The following TNRC6A variants were observed in gnomAD, a reference collection of about 807,000 sequenced individuals.
TNRC6A encodes the protein trinucleotide repeat-containing gene 6A protein.
Under a neutral mutation model 221.2 loss-of-function variants are expected in TNRC6A, and 44 were observed. That is an observed-to-expected ratio of 0.20 (90% CI 0.16 to 0.26). TNRC6A has a LOEUF of 0.26. TNRC6A is among the 10% of genes least tolerant of loss of function. The pLI is 1.00. For synonymous variants in TNRC6A, 847 were observed against 838.5 expected, an observed-to-expected ratio of 1.01 and a Z score of -0.18; for missense variants, 2,199 against 2,404.4, an observed-to-expected ratio of 0.91 and a Z score of 1.79.
Position 24,681,373 on chromosome 16 carries a change from A to C in TNRC6A, n.402+40364A>C, listed in dbSNP as rs548966046. On this transcript the variant is annotated intron_variant and non_coding_transcript_variant, in intron 2 of 2. Coordinates refer to the TNRC6A transcript ENST00000566108. The stretch of plus-strand genomic sequence containing the variant: ...CTCCCGGGTAGCTGGGATTACAGGC[A>C]TGCGCCACCATGCCCAGCTAATTTT... 6.6e-5 allele frequency among the ~76,000 whole-genome samples: 10 copies of C among 151,984 alleles called. No homozygotes were observed. The South Asian group carries it at 2.1e-3, about 32-fold the overall frequency.
At chr16:24,773,132 A>G (rs987581816) in intron 4 of TNRC6A, among the ~76,000 whole-genome samples, 5 of 151,918 alleles carry the variant, frequency 3.3e-5, no homozygotes, top group African/African-American at 4.8e-5. Flanking sequence ...CCGTCTTTCT[A>G]TTTCCTTTAC....
At chr16:24,662,458 T>A (rs1334463442) in intron 2 of TNRC6A, 1 of 151,484 alleles carries the variant, frequency 6.6e-6, no homozygotes, top group Non-Finnish European at 1.5e-5. Flanking sequence ...TACTCCAGCC[T>A]GGGTGTCAGA....
intron 1 of TNRC6A, among the ~76,000 whole-genome samples, chr16:24,635,593 C>T (rs1275005923): frequency 6.6e-6 from 1 of 152,108 alleles, no homozygotes; most frequent in African/African-American, 2.4e-5. Flanking sequence ...AGATTCTGCA[C>T]CTTTTTAAAA....
chr16:24,637,929 C>T (rs1901722473), intron 1 of TNRC6A, among the ~76,000 whole-genome samples: 1 of 152,076 alleles, frequency 6.6e-6, no homozygotes, highest in South Asian at 2.1e-4. Context: ...GGACTACCAG[C>T]TCGCGCCACC....
At chr16:24,713,443 AACAAACAAAAAAAT>A (rs1397707527) in intron 2 of TNRC6A, among the ~76,000 whole-genome samples, 15 of 120,982 alleles carry the variant, frequency 1.2e-4, no homozygotes, top group African/African-American at 4.1e-4. Flanking sequence ...CAAACAAACA[AACAAACAAAAAAAT>A]ATATATATAT....
intron 2 of TNRC6A, among the ~76,000 whole-genome samples, chr16:24,660,810 C>T (rs2055017288): frequency 7.6e-6 from 1 of 130,930 alleles, no homozygotes; most frequent in African/African-American, 3.0e-5. Flanking sequence ...GGAGCGATCT[C>T]GGCTCACTGC....
At chr16:24,675,741 T>G (rs1344467535) in intron 2 of TNRC6A, among the ~76,000 whole-genome samples, 1 of 97,836 alleles carries the variant, frequency 1.0e-5, no homozygotes, top group African/African-American at 4.1e-5. Flanking sequence ...TATATATATA[T>G]GCACACAACA....
rs1472975034 is a variant in TNRC6A, at chr16:24,750,190, G to C, written c.54-536G>C. ...TTCCCAAGAATTGATAGAATACCTT[G>C]GAATGTTGATAGAATATGAAATTGT... is the stretch of plus-strand genomic sequence containing the variant. On this transcript the variant is annotated intron_variant, in intron 2 of 24. Transcript: ENST00000395799. 2.6e-5 allele frequency among the ~76,000 whole-genome samples: 4 copies of C among 152,048 alleles called. No homozygotes were observed. In the East Asian group the frequency reaches 7.7e-4, roughly 29 times the overall value.
intron 2 of TNRC6A, among the ~76,000 whole-genome samples, chr16:24,652,547 G>A (rs1358556938): frequency 1.3e-5 from 2 of 152,182 alleles, no homozygotes; most frequent in East Asian, 3.8e-4. Flanking sequence ...CCAACCCACT[G>A]ACTGCAACAT....
At chr16:24,778,088 T>C (rs1215613313) in intron 5 of TNRC6A, among the ~76,000 whole-genome samples, 1 of 152,128 alleles carries the variant, frequency 6.6e-6, no homozygotes, top group Non-Finnish European at 1.5e-5. Context: ...AAGGTGCCCA[T>C]ACAAGAACAC....
intron 1 of TNRC6A, among the ~76,000 whole-genome samples, chr16:24,617,804 A>T (rs1465456713): frequency 6.6e-6 from 1 of 152,204 alleles, no homozygotes; most frequent in Non-Finnish European, 1.5e-5. Flanking sequence ...ATATCCACGG[A>T]TGAGGAGGGC....
rs1167909407 is a variant in TNRC6A at position 24,767,039 on chromosome 16, G to A, written c.163+8679G>A. Among the ~76,000 whole-genome samples the A allele has an allele frequency of 6.6e-5, 10 of 152,122 alleles. 1 individual carries two copies. Among genetic ancestry groups the A allele is most frequent in the Admixed American group, 6.6e-4 (10 of 15,254 alleles). On this transcript the variant is annotated intron_variant, in intron 4 of 24. Transcript: ENST00000395799. Reference sequence around the variant, plus strand: ...TTTGCCCATTTAGTTCTTGGACCTAGAGTTTTATTTAGCAGTTTACTTGAG... The same window carrying A: ...TTTGCCCATTTAGTTCTTGGACCTAAAGTTTTATTTAGCAGTTTACTTGAG...
intron 1 of TNRC6A, among the ~76,000 whole-genome samples, chr16:24,637,182 A>G (rs898636646): frequency 1.3e-5 from 2 of 152,182 alleles, no homozygotes; most frequent in East Asian, 1.9e-4. Context: ...TCAGGTGCAT[A>G]CCACCATACC....
Position 24,730,274 on chromosome 16 carries a change from C to T in TNRC6A, c.27C>T (p.Thr9=), listed in dbSNP as rs2056598787. 1 of 1,602,694 alleles carries T rather than the reference C, an allele frequency of 6.2e-7. No homozygotes were observed. Among genetic ancestry groups the T allele is most frequent in the East Asian group, 2.3e-5 (1 of 43,364 alleles). ...TCAGAGAATTGGAAGCTAAAGCTAC[C>T]AAAGACGTAGAAAGAAATCTTAGCA... MRELEAKA[T]KDVERNLSRD... is the part of the protein sequence containing the mutation. Residue 9 remains threonine, a synonymous_variant, in exon 2 of 25, where the codon ACC becomes ACT. Coordinates refer to ENST00000395799, the MANE Select transcript of TNRC6A (RefSeq NM_014494.4).
chr16:24,790,423 C>G lies in TNRC6A; in HGVS notation c.1781C>G (p.Ser594Cys). Residue 594 changes from serine to cysteine, a missense_variant, in exon 6 of 25, where the codon TCT becomes TGT. Transcript: ENST00000395799. ...TSWGSGNGANSGGSRRGWGTP... is the reference protein window; with the variant it reads ...TSWGSGNGANCGGSRRGWGTP... ...TGGGGAAGTGGAAATGGCGCAAATT[C>G]TGGAGGAAGTCGAAGAGGATGGGGA... The G allele has an allele frequency of 6.2e-7, 1 of 1,614,188 alleles. No homozygotes were observed. Among genetic ancestry groups the G allele is most frequent in the South Asian group, 1.1e-5 (1 of 91,078 alleles).
intron 2 of TNRC6A, among the ~76,000 whole-genome samples, chr16:24,711,075 C>T (rs969087104): frequency 6.6e-6 from 1 of 152,062 alleles, no homozygotes; most frequent in African/African-American, 2.4e-5. Flanking sequence ...CTGGGTTTCA[C>T]CGTGTTAGCC....
intron 11 of TNRC6A, among the ~76,000 whole-genome samples, chr16:24,802,413 G>T (rs1026059206): frequency 1.3e-5 from 2 of 152,126 alleles, no homozygotes; most frequent in Admixed American, 6.6e-5. Flanking sequence ...GCTGGGGGTG[G>T]TGGTACATAC....
chr16:24,708,989 G>T (rs1479489125), intron 2 of TNRC6A, among the ~76,000 whole-genome samples: 2 of 152,178 alleles, frequency 1.3e-5, no homozygotes, highest in African/African-American at 4.8e-5. Flanking sequence ...AAGCACAGTG[G>T]CTCACGCCTG....
chr16:24,766,463 C>A (rs917691567), intron 4 of TNRC6A, among the ~76,000 whole-genome samples: 2 of 152,064 alleles, frequency 1.3e-5, no homozygotes, highest in Non-Finnish European at 2.9e-5. Context: ...CAGGGTTCCT[C>A]CATACCCAGA....
Sources: gnomAD v4.1 joint callset for allele counts (sites outside exome capture counted in the v4.1 genomes callset) on GRCh38, gnomAD v4.1.1 for gene constraint, MANE v1.5 for transcripts, NCBI Gene and HGNC (gene_info 2026-07-23, HGNC 2026-07-21) for gene names.